MPP7: variants seen among roughly 807,000 people sequenced by gnomAD.
MPP7 encodes MAGUK p55 scaffold protein 7.
A neutral mutation model predicts 76.5 loss-of-function variants in MPP7; 60 were observed. That is an observed-to-expected ratio of 0.78 (90% CI 0.64 to 0.97). The LOEUF is 0.97. Among genes scored for constraint, MPP7 ranks in the 50% least tolerant of loss-of-function variants. MPP7 has a pLI of 0.00. For synonymous variants in MPP7, 237 were observed against 244.5 expected, an observed-to-expected ratio of 0.97 and a Z score of 0.29; for missense variants, 641 against 694.0, an observed-to-expected ratio of 0.92 and a Z score of 0.86.
intron 11 of MPP7, chr10:28,118,662 C>A: frequency 1.0e-6 from 1 of 985,252 alleles, no homozygotes; most frequent in Non-Finnish European, 1.2e-6. Context: ...GGGTTTTTTT[C>A]CTTGTGCCTA....
rs114435402 is a variant in MPP7 at position 28,277,713 on chromosome 10, G to C, written c.-132+25148C>G. 1.3e-3 allele frequency among the ~76,000 whole-genome samples: 192 copies of C among 152,210 alleles called. 4 individuals carry two copies. The highest frequency in any genetic ancestry group is 4.5e-3 in the African/African-American group (185 of 41,460). The stretch of plus-strand genomic sequence containing the variant: ...TATACTTAGCAAAGCAGCAGCTGTA[G>C]TAATCTAGGTCAGAAGTGAGCATAA... On this transcript the variant is annotated intron_variant, in intron 1 of 16. Coordinates refer to ENST00000683449, the MANE Select transcript of MPP7 (RefSeq NM_001318170.2).
At chr10:28,057,473 C>T (rs1038548443) in intron 15 of MPP7, among the ~76,000 whole-genome samples, 1 of 152,194 alleles carries the variant, frequency 6.6e-6, no homozygotes, top group Non-Finnish European at 1.5e-5. Context: ...CTGCTCTGGC[C>T]ATGTGAAGTG....
intron 2 of MPP7, among the ~76,000 whole-genome samples, chr10:28,222,728 T>C (rs1416386278): frequency 1.3e-5 from 2 of 150,248 alleles, no homozygotes; most frequent in Non-Finnish European, 3.0e-5. Context: ...GGCGGGCGCC[T>C]ATAGTCCCAG....
chr10:28,214,553 C>T (rs902665085), intron 2 of MPP7, among the ~76,000 whole-genome samples: 2 of 152,178 alleles, frequency 1.3e-5, no homozygotes, highest in Non-Finnish European at 2.9e-5. Flanking sequence ...TGCTTACTAT[C>T]TATGTGCCAG....
intron 12 of MPP7, among the ~76,000 whole-genome samples, chr10:28,076,213 C>T (rs192564490): frequency 6.6e-6 from 1 of 152,226 alleles, no homozygotes; most frequent in Admixed American, 6.5e-5. Context: ...ACAAGAGCTG[C>T]CATGTAACAG....
At position 28,156,347 on chromosome 10, in the gene MPP7, T is replaced by C. The variant is rs181187777; in HGVS notation, c.157-6288A>G. ...TTTATTTCCAATTCCCCTGCTCGCT[T>C]CCACTGGTGTTCCTAGTAAGAGGAG... On this transcript the variant is annotated intron_variant, in intron 3 of 16. Coordinates refer to ENST00000683449, the MANE Select transcript of MPP7 (RefSeq NM_001318170.2). Among the ~76,000 whole-genome samples the C allele has an allele frequency of 8.5e-5, 13 of 152,340 alleles. No homozygotes were observed. The East Asian group carries it at 2.5e-3, about 29-fold the overall frequency.
At chr10:28,281,081 T>A (rs1187512283) in intron 1 of MPP7, among the ~76,000 whole-genome samples, 1 of 151,890 alleles carries the variant, frequency 6.6e-6, no homozygotes, top group Non-Finnish European at 1.5e-5. Context: ...TCTTCTTTTT[T>A]TTTCTTTCTT....
chr10:28,083,530 CTCTT>C lies in MPP7; in HGVS notation c.1123+6137_1123+6140del, dbSNP rs1281630567. On this transcript the variant is annotated intron_variant, in intron 12 of 16. Transcript: ENST00000683449. ...ATACCATGCTTACATGATTTTCTTCCTCTTTTTTTTTTTTTTTTTTTTTTGAGAT... is the reference window on the plus strand; with the variant it reads ...ATACCATGCTTACATGATTTTCTTCCTTTTTTTTTTTTTTTTTTTTGAGAT... 4.4e-5 allele frequency among the ~76,000 whole-genome samples: 6 copies of C among 134,996 alleles called. No homozygotes were observed. In the South Asian group the frequency reaches 6.9e-4, roughly 15 times the overall value. 88.6% of individuals were successfully genotyped at this position (134,996 alleles called of 152,430 possible).
At chr10:28,228,842 C>T (rs1266404654) in intron 2 of MPP7, among the ~76,000 whole-genome samples, 1 of 152,026 alleles carries the variant, frequency 6.6e-6, no homozygotes, top group East Asian at 1.9e-4. Context: ...AAATTAAAAA[C>T]TCAGCCCCAG....
chr10:28,275,566 C>T (rs1461568116), intron 1 of MPP7, among the ~76,000 whole-genome samples: 1 of 152,046 alleles, frequency 6.6e-6, no homozygotes, highest in Non-Finnish European at 1.5e-5. Flanking sequence ...ACCACCACGC[C>T]TGGCTAATTT....
chr10:28,102,662 T>A (rs951869290), intron 11 of MPP7, among the ~76,000 whole-genome samples: 1 of 152,138 alleles, frequency 6.6e-6, no homozygotes, highest in African/African-American at 2.4e-5. Context: ...AGTAACTCCA[T>A]CTTCATAGTT....
At chr10:28,173,565 G>C (rs904870446) in intron 3 of MPP7, among the ~76,000 whole-genome samples, 1 of 152,192 alleles carries the variant, frequency 6.6e-6, no homozygotes, top group Non-Finnish European at 1.5e-5. Flanking sequence ...CTCATCAAGA[G>C]CAGATGTTGG....
At chr10:28,099,647 A>T (rs1215716743) in intron 11 of MPP7, among the ~76,000 whole-genome samples, 1 of 152,160 alleles carries the variant, frequency 6.6e-6, no homozygotes, top group Non-Finnish European at 1.5e-5. Flanking sequence ...TCTACTAAAA[A>T]TACAAAAAAA....
chr10:28,074,231 T>C (rs1013517386), intron 12 of MPP7, among the ~76,000 whole-genome samples: 4 of 152,026 alleles, frequency 2.6e-5, no homozygotes, highest in African/African-American at 9.7e-5. Flanking sequence ...CACATGGAAA[T>C]GTTTTCAAAG....
rs375619547 is a variant in MPP7 at position 28,185,067 on chromosome 10, G to A, written c.156+17086C>T. ...TCATTGGCCAGGTACAGTGGTTTAT[G>A]CCTGTAATCCCAGCACTTTGGGAGG... On this transcript the variant is annotated intron_variant, in intron 3 of 16. Coordinates refer to ENST00000683449, the MANE Select transcript of MPP7 (RefSeq NM_001318170.2). 8.1e-5 allele frequency among the ~76,000 whole-genome samples: 12 copies of A among 147,776 alleles called. No individual in the cohort carries two copies. The East Asian group carries it at 1.4e-3, about 17-fold the overall frequency.
At chr10:28,198,810 T>G (rs920532157) in intron 3 of MPP7, among the ~76,000 whole-genome samples, 22 of 152,168 alleles carry the variant, frequency 1.4e-4, no homozygotes, top group African/African-American at 4.8e-4. Flanking sequence ...CCTGGATATT[T>G]GCAAGAGATG....
At chr10:28,198,968 TG>T (rs1432435524) in intron 3 of MPP7, among the ~76,000 whole-genome samples, 2 of 152,118 alleles carry the variant, frequency 1.3e-5, no homozygotes, top group Non-Finnish European at 2.9e-5. Flanking sequence ...TACCTGAGAC[TG>T]GGTAATTTAT....
chr10:28,099,932 T>C (rs1488213003), intron 11 of MPP7, among the ~76,000 whole-genome samples: 1 of 152,106 alleles, frequency 6.6e-6, no homozygotes, highest in Non-Finnish European at 1.5e-5. Context: ...TAAATTCTTT[T>C]TTTCTCACCT....
At chr10:28,295,560 A>G (rs763993855) in intron 1 of MPP7, among the ~76,000 whole-genome samples, 7 of 152,048 alleles carry the variant, frequency 4.6e-5, no homozygotes, top group Non-Finnish European at 1.0e-4. Context: ...TGCCAAAAAA[A>G]GAAGTTACAA....
Sources: allele counts gnomAD v4.1 joint callset (sites outside exome capture counted in the v4.1 genomes callset), GRCh38; gene constraint gnomAD v4.1.1; transcripts MANE v1.5; gene names NCBI Gene and HGNC (gene_info 2026-07-23, HGNC 2026-07-21).